The following JPH3 variants were observed in gnomAD, a reference collection of about 807,000 sequenced individuals.
The protein encoded by JPH3 is junctophilin 3, also known as junctophilin-3.
JPH3 carries 11 observed loss-of-function variants against 59.6 expected under a neutral mutation model. The observed-to-expected ratio is 0.18, with a 90% CI of 0.12 to 0.31. The LOEUF is 0.31. Ranked by LOEUF, JPH3 falls within the 10% of genes least tolerant of loss-of-function variation. The pLI, the probability that JPH3 is intolerant of heterozygous loss-of-function variation, is 1.00. For missense variants in JPH3, 1,202 were observed against 1,105.7 expected (o/e 1.09, Z -1.24); for synonymous variants, 673 against 483.6 (o/e 1.39, Z -5.14).
intron 2 of JPH3, among the ~76,000 whole-genome samples, chr16:87,650,048 G>T (rs1366823852): frequency 6.6e-6 from 1 of 152,232 alleles, no homozygotes. Context: ...GGCCCACCTT[G>T]ATTCAGGGGG....
chr16:87,667,764 C>T (rs546129609), intron 2 of JPH3, among the ~76,000 whole-genome samples: 1 of 152,340 alleles, frequency 6.6e-6, no homozygotes, highest in South Asian at 2.1e-4. Context: ...TTAGGCTTTG[C>T]TGGCCCTGTA....
intron 1 of JPH3, among the ~76,000 whole-genome samples, chr16:87,626,100 G>A (rs765414156): frequency 7.2e-5 from 11 of 152,172 alleles, no homozygotes; most frequent in Non-Finnish European, 1.6e-4. Context: ...CAGGTGTTTG[G>A]TGGGGGAGGA....
chr16:87,622,681 G>T (rs541829825), intron 1 of JPH3, among the ~76,000 whole-genome samples: 1 of 151,376 alleles, frequency 6.6e-6, no homozygotes, highest in East Asian at 1.9e-4. Context: ...GGAGCTGAGG[G>T]TGCATGGGGT....
chr16:87,654,773 G>A (rs1001349744), intron 2 of JPH3: 5 of 152,256 alleles, frequency 3.3e-5, no homozygotes, highest in Admixed American at 2.6e-4. Flanking sequence ...GGCTTCTCCA[G>A]CAGCACCTCT....
chr16:87,680,952 C>T (rs550665884), intron 2 of JPH3, among the ~76,000 whole-genome samples: 1 of 152,140 alleles, frequency 6.6e-6, no homozygotes, highest in Admixed American at 6.5e-5. Flanking sequence ...GGGGAGTTTC[C>T]CATTTGGTCC....
intron 2 of JPH3, among the ~76,000 whole-genome samples, chr16:87,656,729 G>A (rs577682799): frequency 2.6e-4 from 39 of 152,296 alleles, no homozygotes; most frequent in East Asian, 1.9e-4. Context: ...GCATGTGCTC[G>A]TCTCTCTCCT....
At chr16:87,619,383 A>C (rs1224577908) in intron 1 of JPH3, among the ~76,000 whole-genome samples, 1 of 151,570 alleles carries the variant, frequency 6.6e-6, no homozygotes, top group Non-Finnish European at 1.5e-5. Context: ...TAGGCTGTAG[A>C]CACCACTGTG....
At chr16:87,650,629 G>T (rs1238176074) in intron 2 of JPH3, among the ~76,000 whole-genome samples, 1 of 152,238 alleles carries the variant, frequency 6.6e-6, no homozygotes, top group African/African-American at 2.4e-5. Flanking sequence ...TGTTACTCCA[G>T]TGAATACATG....
intron 1 of JPH3, among the ~76,000 whole-genome samples, chr16:87,635,890 C>A (rs1307753638): frequency 6.6e-6 from 1 of 152,230 alleles, no homozygotes; most frequent in African/African-American, 2.4e-5. Flanking sequence ...TGCAGCCACA[C>A]CCTCCTGAGA....
chr16:87,668,684 C>T (rs1312919930), intron 2 of JPH3, among the ~76,000 whole-genome samples: 1 of 152,162 alleles, frequency 6.6e-6, no homozygotes, highest in African/African-American at 2.4e-5. Context: ...TGGCCAGATA[C>T]CTCATCTGGT....
At chr16:87,641,953 G>C (rs1441599804) in intron 1 of JPH3, among the ~76,000 whole-genome samples, 1 of 152,308 alleles carries the variant, frequency 6.6e-6, no homozygotes, top group South Asian at 2.1e-4. Context: ...CTCTGGGCCC[G>C]GGCCCTGGGG....
chr16:87,696,423 G>A, intron 4 of JPH3, 157 bp from the exon 5 acceptor site: 1 of 640,884 alleles, frequency 1.6e-6, no homozygotes, highest in Non-Finnish European at 2.8e-6. Context: ...CTCAGGTTCT[G>A]GTGGGCCTTT....
At chr16:87,608,558 G>A (rs1242874177) in intron 1 of JPH3, among the ~76,000 whole-genome samples, 1 of 152,204 alleles carries the variant, frequency 6.6e-6, no homozygotes, top group Non-Finnish European at 1.5e-5. Flanking sequence ...CAAGTCTGGA[G>A]AGGAGAGGAG....
Position 87,611,330 on chromosome 16 carries a change from G to A in JPH3, c.382+7802G>A, listed in dbSNP as rs1010655283. ...GTGTGTCCCTGAAGGAGCGGCAGAGGCTTCTGGGGGTAGGCAGTGCCTGAG... is the reference window on the plus strand; with the variant it reads ...GTGTGTCCCTGAAGGAGCGGCAGAGACTTCTGGGGGTAGGCAGTGCCTGAG... On this transcript the variant is annotated intron_variant, in intron 1 of 4. Transcript: ENST00000284262. This position sits in a 1 kb window ranked among gnomAD's most constrained non-coding sequence, Gnocchi z 4.5. Among the ~76,000 whole-genome samples the A allele has an allele frequency of 1.3e-5, 2 of 152,190 alleles. No homozygotes were observed. The highest frequency in any genetic ancestry group is 4.8e-5 in the African/African-American group (2 of 41,452).
intron 3 of JPH3, 33 bp downstream of exon 3, chr16:87,684,299 G>T: frequency 6.2e-7 from 1 of 1,611,306 alleles, no homozygotes; most frequent in South Asian, 1.1e-5. Context: ...CTGGCATCGT[G>T]GGGAGGGGGT....
chr16:87,604,794 G>A (rs1229016718), intron 1 of JPH3: 1 of 358,262 alleles, frequency 2.8e-6, no homozygotes, highest in Admixed American at 6.5e-5. Context: ...CGAAGAGGAG[G>A]AGGAGTCTGG....
chr16:87,647,263 A>C (rs188623953), intron 2 of JPH3, among the ~76,000 whole-genome samples: 2 of 141,440 alleles, frequency 1.4e-5, no homozygotes, highest in Non-Finnish European at 3.1e-5. Context: ...AGCCGGGGCC[A>C]GGGTGGGGTG....
intron 2 of JPH3, among the ~76,000 whole-genome samples, chr16:87,659,621 TACTC>T (rs1454667004): frequency 2.0e-5 from 3 of 151,862 alleles, no homozygotes; most frequent in Admixed American, 6.6e-5. Flanking sequence ...TAATCCCAGT[TACTC>T]AGGAGGTTGA....
At chr16:87,684,664 G>GTC (rs776239300) in intron 3 of JPH3, among the ~76,000 whole-genome samples, 220 of 152,362 alleles carry the variant, frequency 1.4e-3, no homozygotes, top group Non-Finnish European at 2.4e-3. Context: ...AGCTGGGTGT[G>GTC]TCTGCGGTCC....
Sources: gnomAD v4.1 joint callset for allele counts (sites outside exome capture counted in the v4.1 genomes callset) on GRCh38, gnomAD v4.1.1 for gene constraint, Gnocchi (gnomAD v3.1) non-coding constraint, MANE v1.5 for transcripts, NCBI Gene and HGNC (gene_info 2026-07-23, HGNC 2026-07-21) for gene names.